The following ALCAM variants were observed in gnomAD, a reference collection of about 807,000 sequenced individuals.
ALCAM encodes the protein activated leukocyte cell adhesion molecule.
A neutral mutation model predicts 70.9 loss-of-function variants in ALCAM; 30 were observed. The observed-to-expected ratio is 0.42, with a 90% CI of 0.32 to 0.57. ALCAM has a LOEUF of 0.57. Ranked by LOEUF, ALCAM falls within the 20% of genes least tolerant of loss-of-function variation. The pLI is 0.11. For missense variants in ALCAM, 591 were observed against 695.1 expected (o/e 0.85, Z 1.68); for synonymous variants, 249 against 242.5 (o/e 1.03, Z -0.25).
At chr3:105,373,427 G>A (rs1279692725) in intron 1 of ALCAM, among the ~76,000 whole-genome samples, 1 of 152,082 alleles carries the variant, frequency 6.6e-6, no homozygotes, top group African/African-American at 2.4e-5. Context: ...AAATCTCAAA[G>A]ATACTTTCAC....
At chr3:105,454,243 T>C (rs1350609054) in intron 1 of ALCAM, among the ~76,000 whole-genome samples, 2 of 152,242 alleles carry the variant, frequency 1.3e-5, no homozygotes, top group Non-Finnish European at 2.9e-5. Context: ...AATTTATTCA[T>C]ATCCACAGTG....
chr3:105,447,279 A>G (rs978181787), intron 1 of ALCAM, among the ~76,000 whole-genome samples: 1 of 152,206 alleles, frequency 6.6e-6, no homozygotes, highest in Non-Finnish European at 1.5e-5. Flanking sequence ...TATCCTAAAT[A>G]CTAAAAAAAA....
chr3:105,427,038 AGGAGTGGGGAAG>A (rs1411148246), intron 1 of ALCAM, among the ~76,000 whole-genome samples: 1 of 151,874 alleles, frequency 6.6e-6, no homozygotes, highest in African/African-American at 2.4e-5. Flanking sequence ...GGGATTTTTA[AGGAGTGGGGAAG>A]GAAGGGGAAA....
At chr3:105,402,548 G>T (rs1237247150) in intron 1 of ALCAM, among the ~76,000 whole-genome samples, 1 of 152,194 alleles carries the variant, frequency 6.6e-6, no homozygotes, top group East Asian at 1.9e-4. Context: ...GTGGGGCATG[G>T]TGGGAGTGAG....
chr3:105,557,809 A>G (rs1409649479), intron 14 of ALCAM, among the ~76,000 whole-genome samples: 2 of 152,150 alleles, frequency 1.3e-5, no homozygotes, highest in Non-Finnish European at 2.9e-5. Flanking sequence ...GGACACACGC[A>G]TTCCCTATTT....
At chr3:105,568,439 G>A (rs1294443454) in intron 14 of ALCAM, among the ~76,000 whole-genome samples, 1 of 152,088 alleles carries the variant, frequency 6.6e-6, no homozygotes, top group Non-Finnish European at 1.5e-5. Flanking sequence ...TGGGGTTTCA[G>A]TACCAAGACT....
intron 1 of ALCAM, among the ~76,000 whole-genome samples, chr3:105,396,004 A>C (rs546626290): frequency 6.6e-6 from 1 of 151,996 alleles, no homozygotes; most frequent in Non-Finnish European, 1.5e-5. Flanking sequence ...GGACCAGTCA[A>C]CTAACATTGG....
chr3:105,544,396 T>C lies in ALCAM; in HGVS notation c.992-827T>C, dbSNP rs558765544. Among the ~76,000 whole-genome samples the C allele has an allele frequency of 3.3e-5, 5 of 151,742 alleles. No homozygotes were observed. In the South Asian group the frequency reaches 1.0e-3, roughly 31 times the overall value. ...ACTGCTTTGAAACCCAGTTTGGCTC[T>C]GTTCTCTATACTTCCATTAAGTCTT... On this transcript the variant is annotated intron_variant, in intron 8 of 15. Coordinates refer to ENST00000306107, the MANE Select transcript of ALCAM (RefSeq NM_001627.4).
At chr3:105,522,373 A>G (rs781058293) in intron 2 of ALCAM, among the ~76,000 whole-genome samples, 5 of 152,210 alleles carry the variant, frequency 3.3e-5, no homozygotes, top group Non-Finnish European at 5.9e-5. Flanking sequence ...CATTTGAGGC[A>G]CTATATGCTC....
chr3:105,521,254 T>C lies in ALCAM; in HGVS notation c.174+1087T>C, dbSNP rs555654443. ...AAGCGGAGCTTGCAGTGAGCCGAGA[T>C]TGCGCCACTGCAGTCCGCAGTCCGG... On this transcript the variant is annotated intron_variant, in intron 2 of 15. Coordinates refer to ENST00000306107, the MANE Select transcript of ALCAM (RefSeq NM_001627.4). Among the ~76,000 whole-genome samples the C allele has an allele frequency of 3.2e-3, 440 of 137,660 alleles. 4 individuals carry two copies. The highest frequency in any genetic ancestry group is 6.6e-3 in the Admixed American group (80 of 12,074). The allele number at this position is 137,660 out of a possible 152,430, so 90.3% of individuals were successfully genotyped here. A position where few individuals can be genotyped will look rare whatever the true frequency, so the allele number is the denominator to read the frequency against.
chr3:105,528,454 C>T (rs1463274341), intron 3 of ALCAM, among the ~76,000 whole-genome samples: 1 of 151,898 alleles, frequency 6.6e-6, no homozygotes, highest in East Asian at 1.9e-4. Flanking sequence ...TGATATAAAA[C>T]AAAAAGAAAA....
intron 1 of ALCAM, among the ~76,000 whole-genome samples, chr3:105,385,578 G>C (rs1014908751): frequency 1.3e-5 from 2 of 151,530 alleles, no homozygotes; most frequent in Non-Finnish European, 3.0e-5. Flanking sequence ...ATCTCTTCTC[G>C]ATAACTAACA....
At chr3:105,498,718 A>G (rs998199659) in intron 1 of ALCAM, among the ~76,000 whole-genome samples, 4 of 152,172 alleles carry the variant, frequency 2.6e-5, no homozygotes, top group African/African-American at 4.8e-5. Context: ...AAACATTCCA[A>G]TATAAAAACC....
chr3:105,528,219 A>G lies in ALCAM; in HGVS notation c.394+3711A>G, dbSNP rs571277515. 4.3e-4 allele frequency among the ~76,000 whole-genome samples: 66 copies of G among 152,310 alleles called. No individual in the cohort carries two copies. The South Asian group carries it at 4.8e-3, about 11-fold the overall frequency. On this transcript the variant is annotated intron_variant, in intron 3 of 15. Transcript: ENST00000306107. ...ACAGAGCAGTTGTGCCGTCTTCACTACATTCTCACCTTGCTGTGAGCTGGC... is the reference window on the plus strand; with the variant it reads ...ACAGAGCAGTTGTGCCGTCTTCACTGCATTCTCACCTTGCTGTGAGCTGGC...
At chr3:105,573,259 G>A (rs776351747) in intron 15 of ALCAM, among the ~76,000 whole-genome samples, 8 of 152,162 alleles carry the variant, frequency 5.3e-5, no homozygotes, top group Non-Finnish European at 7.4e-5. Flanking sequence ...CCCAAGAGGT[G>A]GGGGTTGCAG....
chr3:105,526,409 A>T (rs1207025857), intron 3 of ALCAM, among the ~76,000 whole-genome samples: 3 of 152,106 alleles, frequency 2.0e-5, no homozygotes, highest in Admixed American at 6.5e-5. Context: ...AATAAAATTT[A>T]TCAGCTGATT....
chr3:105,492,782 A>C (rs1485590670), intron 1 of ALCAM, among the ~76,000 whole-genome samples: 1 of 152,230 alleles, frequency 6.6e-6, no homozygotes, highest in Admixed American at 6.5e-5. Context: ...ACATTCATTC[A>C]GAACTGTAGA....
At chr3:105,568,058 ATT>A (rs34005304) in intron 14 of ALCAM, among the ~76,000 whole-genome samples, 2 of 116,246 alleles carry the variant, frequency 1.7e-5, no homozygotes, top group South Asian at 6.2e-4. Context: ...ATTTTATTTT[ATT>A]TTATTTTTTT....
chr3:105,540,222 A>C, intron 7 of ALCAM, 120 bp downstream of exon 7: 1 of 1,047,830 alleles, frequency 9.5e-7, no homozygotes, highest in Non-Finnish European at 1.3e-6. Context: ...GCCACCTATA[A>C]AATGTCACGT....
Sources: allele counts gnomAD v4.1 joint callset (sites outside exome capture counted in the v4.1 genomes callset), GRCh38; gene constraint gnomAD v4.1.1; transcripts MANE v1.5; gene names NCBI Gene and HGNC (gene_info 2026-07-23, HGNC 2026-07-21).